DOK5: variants seen among roughly 807,000 people sequenced by gnomAD.
The protein encoded by DOK5 is docking protein 5.
DOK5 carries 27 observed loss-of-function variants against 43.3 expected under a neutral mutation model. The ratio of observed to expected loss-of-function variants is 0.62; its 90% confidence interval spans 0.46 to 0.86. The LOEUF (loss-of-function observed/expected upper bound fraction) is 0.86, where lower values mean the gene tolerates loss of function less well. DOK5 is among the 40% of genes least tolerant of loss of function. DOK5 has a pLI of 0.00. For missense variants in DOK5, 373 were observed against 392.9 expected (o/e 0.95, Z 0.43); for synonymous variants, 146 against 140.1 (o/e 1.04, Z -0.30).
chr20:54,619,026 TATATATATATATATATATA>T (rs1568814422), intron 6 of DOK5, among the ~76,000 whole-genome samples: 874 of 42,812 alleles, frequency 0.02, 41 homozygotes, highest in African/African-American at 0.021. Context: ...CAATAAATTA[TATATATATATATATATATA>T]TATATATATA....
At chr20:54,636,811 A>C (rs754446591) in intron 6 of DOK5, among the ~76,000 whole-genome samples, 4 of 152,220 alleles carry the variant, frequency 2.6e-5, no homozygotes, top group African/African-American at 9.6e-5. Context: ...ATAACTCATT[A>C]GATGGTTACA....
rs975692568 is a variant in DOK5 at position 54,531,158 on chromosome 20, T to C, written c.67-23775T>C. ...TGTTGCTTGCTTAGAGCCTTTGTGG[T>C]CCATCATGAATGTCTGTGAAACTAT... is the stretch of plus-strand genomic sequence containing the variant. On this transcript the variant is annotated intron_variant, in intron 1 of 7. Coordinates refer to ENST00000262593, the MANE Select transcript of DOK5 (RefSeq NM_018431.5). Among the ~76,000 whole-genome samples, 3 of 152,218 alleles carry C rather than the reference T, an allele frequency of 2.0e-5. No homozygotes were observed. The South Asian group carries it at 6.2e-4, about 31-fold the overall frequency.
At chr20:54,525,370 A>T (rs1983542729) in intron 1 of DOK5, among the ~76,000 whole-genome samples, 1 of 152,236 alleles carries the variant, frequency 6.6e-6, no homozygotes, top group Non-Finnish European at 1.5e-5. Flanking sequence ...ATTTTCAAAT[A>T]TGCATCCTTT....
chr20:54,644,873 A>AAC (rs1343767292), intron 7 of DOK5, among the ~76,000 whole-genome samples: 39 of 150,588 alleles, frequency 2.6e-4, no homozygotes, highest in Admixed American at 1.5e-3. Flanking sequence ...CATCTCAAAA[A>AAC]AAAAAAATTC....
At chr20:54,522,211 C>G (rs1017510988) in intron 1 of DOK5, among the ~76,000 whole-genome samples, 43 of 151,984 alleles carry the variant, frequency 2.8e-4, no homozygotes, top group African/African-American at 9.7e-4. Context: ...AGCTGATGAG[C>G]TTTAAAAAAA....
chr20:54,523,804 T>C (rs755468794), intron 1 of DOK5, among the ~76,000 whole-genome samples: 1 of 151,996 alleles, frequency 6.6e-6, no homozygotes, highest in Non-Finnish European at 1.5e-5. Flanking sequence ...GGTTTCACCA[T>C]GTTGGTCAGG....
At chr20:54,613,655 T>G (rs1986720909) in intron 6 of DOK5, among the ~76,000 whole-genome samples, 1 of 152,204 alleles carries the variant, frequency 6.6e-6, no homozygotes, top group African/African-American at 2.4e-5. Flanking sequence ...AACATCATAT[T>G]TTGTGGTCCT....
intron 1 of DOK5, among the ~76,000 whole-genome samples, chr20:54,485,353 CAA>C (rs546070379): frequency 6.1e-4 from 47 of 77,360 alleles, no homozygotes; most frequent in African/African-American, 9.7e-4. Context: ...GACTCCGTCT[CAA>C]AAAAAAAAAA....
chr20:54,567,706 A>G (rs913741553), intron 2 of DOK5, among the ~76,000 whole-genome samples: 1 of 152,160 alleles, frequency 6.6e-6, no homozygotes, highest in Non-Finnish European at 1.5e-5. Context: ...AAGCCTGTCT[A>G]TATCTACAGA....
intron 1 of DOK5, among the ~76,000 whole-genome samples, chr20:54,507,882 T>G (rs893734818): frequency 6.6e-6 from 1 of 152,028 alleles, no homozygotes; most frequent in African/African-American, 2.4e-5. Context: ...GTTTAAAGAG[T>G]TCATGATGAG....
chr20:54,648,823 A>G (rs142118612), intron 7 of DOK5, among the ~76,000 whole-genome samples: 22 of 152,326 alleles, frequency 1.4e-4, no homozygotes, highest in African/African-American at 5.3e-4. Context: ...AGGCCGTTGC[A>G]CATGAGCACC....
intron 5 of DOK5, among the ~76,000 whole-genome samples, chr20:54,603,579 T>A (rs114260578): frequency 6.6e-6 from 1 of 152,336 alleles, no homozygotes; most frequent in Non-Finnish European, 1.5e-5. Context: ...GGGATACTTG[T>A]CAATGTCTGG....
chr20:54,650,387 T>A (rs1307758597), intron 7 of DOK5, 28 bp from the exon 8 acceptor site: 1 of 1,610,470 alleles, frequency 6.2e-7, no homozygotes, highest in Admixed American at 1.7e-5. Flanking sequence ...GAAATGTAAC[T>A]GTTGATTTTA....
chr20:54,580,455 A>G (rs966709578), intron 2 of DOK5, among the ~76,000 whole-genome samples: 1 of 152,126 alleles, frequency 6.6e-6, no homozygotes, highest in Non-Finnish European at 1.5e-5. Context: ...ACCTTTTTAC[A>G]TTCCCATCGA....
At chr20:54,576,309 T>A (rs376964799) in intron 2 of DOK5, among the ~76,000 whole-genome samples, 1 of 152,104 alleles carries the variant, frequency 6.6e-6, no homozygotes, top group South Asian at 2.1e-4. Context: ...AATAAAATGG[T>A]CATTCACATA....
intron 1 of DOK5, among the ~76,000 whole-genome samples, chr20:54,490,805 G>A (rs527624230): frequency 1.3e-5 from 2 of 152,284 alleles, no homozygotes; most frequent in African/African-American, 4.8e-5. Context: ...GGCCAAGATG[G>A]TCTCGATCTC....
intron 2 of DOK5, among the ~76,000 whole-genome samples, chr20:54,561,733 G>A (rs371544574): frequency 1.4e-4 from 21 of 152,292 alleles, no homozygotes; most frequent in African/African-American, 4.8e-4. Context: ...TCGGCTCACC[G>A]CAACCTCCAC....
intron 2 of DOK5, among the ~76,000 whole-genome samples, chr20:54,569,636 A>G (rs931582314): frequency 6.6e-6 from 1 of 152,158 alleles, no homozygotes; most frequent in Non-Finnish European, 1.5e-5. Context: ...GGTTATATAA[A>G]ATCATACACC....
chr20:54,600,080 C>T (rs1467669704), intron 5 of DOK5, among the ~76,000 whole-genome samples: 2 of 152,016 alleles, frequency 1.3e-5, no homozygotes, highest in African/African-American at 2.4e-5. Context: ...GAGTGTGAGC[C>T]ATGTAAGAAT....
Sources: allele counts gnomAD v4.1 joint callset (sites outside exome capture counted in the v4.1 genomes callset), GRCh38; gene constraint gnomAD v4.1.1; transcripts MANE v1.5; gene names NCBI Gene and HGNC (gene_info 2026-07-23, HGNC 2026-07-21).